LIPC: variants seen among roughly 807,000 people sequenced by gnomAD.
The protein encoded by LIPC is lipase C, hepatic type.
LIPC carries 44 observed loss-of-function variants against 50.7 expected under a neutral mutation model. The ratio of observed to expected loss-of-function variants is 0.87; its 90% CI spans 0.68 to 1.11. The LOEUF is 1.11. Among genes scored for constraint, LIPC ranks in the 50% most tolerant of loss-of-function variants. The pLI, the probability that LIPC is intolerant of heterozygous loss-of-function variation, is 0.00. For synonymous variants in LIPC, 271 were observed against 256.4 expected (o/e 1.06, Z -0.54); for missense variants, 697 against 648.2 (o/e 1.08, Z -0.82).
chr15:58,463,628 A>G (rs993377171), intron 1 of LIPC, among the ~76,000 whole-genome samples: 14 of 152,158 alleles, frequency 9.2e-5, no homozygotes, highest in Non-Finnish European at 1.9e-4. Flanking sequence ...AGAATCCATC[A>G]GGTCTTTTCT....
chr15:58,472,107 G>A (rs554462647), intron 1 of LIPC, among the ~76,000 whole-genome samples: 24 of 150,304 alleles, frequency 1.6e-4, no homozygotes, highest in Middle Eastern at 3.5e-3. Context: ...CCATCTCTAC[G>A]AAAAATACAA....
At chr15:58,485,955 T>C (rs1398124871) in intron 1 of LIPC, among the ~76,000 whole-genome samples, 1 of 152,198 alleles carries the variant, frequency 6.6e-6, no homozygotes, top group Non-Finnish European at 1.5e-5. Context: ...TGCCCCTCTT[T>C]CATCTCTAGA....
chr15:58,553,998 G>C (rs1260680422), intron 6 of LIPC, among the ~76,000 whole-genome samples: 1 of 140,582 alleles, frequency 7.1e-6, no homozygotes, highest in Non-Finnish European at 1.6e-5. Context: ...CACGGAGGGG[G>C]AAAAAAAAAA....
chr15:58,530,487 C>T (rs538030523), intron 1 of LIPC, among the ~76,000 whole-genome samples: 1 of 152,376 alleles, frequency 6.6e-6, no homozygotes, highest in South Asian at 2.1e-4. Context: ...GCCTGCTGTG[C>T]AGCCTATGCC....
intron 1 of LIPC, among the ~76,000 whole-genome samples, chr15:58,508,996 A>G (rs1408110446): frequency 6.6e-6 from 1 of 152,138 alleles, no homozygotes; most frequent in Non-Finnish European, 1.5e-5. Context: ...ATCAAAGCAA[A>G]CCTTATACAG....
chr15:58,557,488 C>T (rs1271783535), intron 6 of LIPC, among the ~76,000 whole-genome samples: 4 of 140,690 alleles, frequency 2.8e-5, no homozygotes, highest in African/African-American at 5.3e-5. Flanking sequence ...GGGTTCACAC[C>T]ATTCTCCTGC....
At chr15:58,468,699 TATAAC>T (rs1414053154) in intron 1 of LIPC, among the ~76,000 whole-genome samples, 1 of 151,860 alleles carries the variant, frequency 6.6e-6, no homozygotes, top group Non-Finnish European at 1.5e-5. Context: ...CTAGGGAACT[TATAAC>T]AGAAAGGCCC....
At chr15:58,489,084 T>C (rs1180368906) in intron 1 of LIPC, among the ~76,000 whole-genome samples, 1 of 152,046 alleles carries the variant, frequency 6.6e-6, no homozygotes, top group African/African-American at 2.4e-5. Context: ...ACAACAATAC[T>C]GAGCTGACCT....
At position 58,545,769 on chromosome 15, in the gene LIPC, A is replaced by G; in HGVS notation, c.602A>G (p.Glu201Gly). 1.9e-6 allele frequency: 3 copies of G among 1,614,124 alleles called. No individual in the cohort carries two copies. Among genetic ancestry groups the G allele is most frequent in the Non-Finnish European group, 1.7e-6 (2 of 1,180,022 alleles). ...CTGGATGCCGCGGGACCTTTGTTTGAGGGAAGTGCCCCCAGCAATCGTCTT... is the reference window on the plus strand; with the variant it reads ...CTGGATGCCGCGGGACCTTTGTTTGGGGGAAGTGCCCCCAGCAATCGTCTT... ...TGLDAAGPLF[E>G]GSAPSNRLSP... Residue 201 changes from glutamate (E) to glycine (G), a missense_variant, in exon 5 of 9, where the codon GAG becomes GGG. Coordinates refer to ENST00000299022, the MANE Select transcript of LIPC (RefSeq NM_000236.3).
At chr15:58,520,110 CTGTTTTTTTTT>C (rs1248314655) in intron 1 of LIPC, among the ~76,000 whole-genome samples, 10 of 79,930 alleles carry the variant, frequency 1.3e-4, no homozygotes, top group African/African-American at 4.4e-4. Flanking sequence ...AGGTTTTGGG[CTGTTTTTTTTT>C]TGTTTTTTTT....
intron 1 of LIPC, among the ~76,000 whole-genome samples, chr15:58,438,978 G>A: frequency 6.6e-6 from 1 of 152,214 alleles, no homozygotes; most frequent in East Asian, 1.9e-4. Flanking sequence ...TGCAAGCGGA[G>A]GCCTCTTTGT....
chr15:58,496,743 C>CAAAAAAAAAAGAAAAAAAAA (rs1891778682), intron 1 of LIPC, among the ~76,000 whole-genome samples: 1 of 114,180 alleles, frequency 8.8e-6, no homozygotes, highest in Non-Finnish European at 1.8e-5. Flanking sequence ...TCTTCCCCCT[C>CAAAAAAAAAAGAAAAAAAAA]AAAAAAAAAA....
Position 58,458,893 on chromosome 15 carries a change from G to T in LIPC, c.88+26773G>T, listed in dbSNP as rs189494628. 2.6e-5 allele frequency among the ~76,000 whole-genome samples: 4 copies of T among 152,272 alleles called. No individual in the cohort carries two copies. The East Asian group carries it at 7.7e-4, about 29-fold the overall frequency. ...TCCTCAGGAGATGATTAAGTTGTGC[G>T]TTAAGTGGGGAAAAAGTACATTAGG... On this transcript the variant is annotated intron_variant, in intron 1 of 8. Coordinates refer to ENST00000299022, the MANE Select transcript of LIPC (RefSeq NM_000236.3).
chr15:58,468,129 C>CTAA (rs1487248527), intron 1 of LIPC, among the ~76,000 whole-genome samples: 2 of 152,162 alleles, frequency 1.3e-5, no homozygotes, highest in African/African-American at 4.8e-5. Flanking sequence ...GGCAAAGCAG[C>CTAA]TAATATTACC....
At chr15:58,456,587 TAGG>T (rs1408822199) in intron 1 of LIPC, among the ~76,000 whole-genome samples, 1 of 152,108 alleles carries the variant, frequency 6.6e-6, no homozygotes, top group Non-Finnish European at 1.5e-5. Context: ...CACTCCCTCC[TAGG>T]AGGACTGCAG....
intron 6 of LIPC, among the ~76,000 whole-genome samples, chr15:58,552,614 C>A (rs1486218968): frequency 6.6e-6 from 1 of 152,206 alleles, no homozygotes; most frequent in African/African-American, 2.4e-5. Flanking sequence ...TGCTGCTCGC[C>A]GCAGCCATGA....
chr15:58,449,865 T>C (rs1346897411), intron 1 of LIPC, among the ~76,000 whole-genome samples: 1 of 152,180 alleles, frequency 6.6e-6, no homozygotes, highest in Non-Finnish European at 1.5e-5. Flanking sequence ...ATGCATTTGT[T>C]TCTTCCCTTG....
chr15:58,437,745 A>G (rs1893355309), intron 1 of LIPC, among the ~76,000 whole-genome samples: 1 of 152,208 alleles, frequency 6.6e-6, no homozygotes, highest in African/African-American at 2.4e-5. Flanking sequence ...CCCATGACTA[A>G]TATTTGAGAT....
intron 4 of LIPC, among the ~76,000 whole-genome samples, chr15:58,544,648 A>T (rs564685950): frequency 6.6e-6 from 1 of 152,204 alleles, no homozygotes; most frequent in South Asian, 2.1e-4. Context: ...TGCCAGACTC[A>T]GCCTCCCAAA....
Sources: allele counts gnomAD v4.1 joint callset (sites outside exome capture counted in the v4.1 genomes callset), GRCh38; gene constraint gnomAD v4.1.1; transcripts MANE v1.5; gene names NCBI Gene and HGNC (gene_info 2026-07-23, HGNC 2026-07-21).